Variants in KPNA6 observed in about 807,000 individuals in gnomAD.
The protein encoded by KPNA6 is karyopherin subunit alpha 6.
Under a neutral mutation model 72.0 loss-of-function variants are expected in KPNA6, and 9 were observed. The observed-to-expected ratio is 0.13, with a 90% CI of 0.08 to 0.22. The LOEUF is 0.22. KPNA6 is among the 10% of genes least tolerant of loss of function. The pLI is 1.00. For missense variants in KPNA6, 374 were observed against 655.7 expected, an observed-to-expected ratio of 0.57 and a Z score of 4.69; for synonymous variants, 219 against 242.1, an observed-to-expected ratio of 0.90 and a Z score of 0.89.
rs1000821085 is a variant in KPNA6 at position 32,169,149 on chromosome 1, C to CTTGAGACCAGGAAT, written c.1245-722_1245-709dup. On this transcript the variant is annotated intron_variant, in intron 12 of 13. Coordinates refer to ENST00000373625, the MANE Select transcript of KPNA6 (RefSeq NM_012316.5). The stretch of plus-strand genomic sequence containing the variant: ...TGGGGAGGTCAAGGTGGGAGGATCG[C>CTTGAGACCAGGAAT]TTGAGACCAGGAATTTGAGACCAGC... Among the ~76,000 whole-genome samples the CTTGAGACCAGGAAT allele has an allele frequency of 1.6e-4, 24 of 152,150 alleles. No individual in the cohort carries two copies. In the East Asian group the frequency reaches 4.3e-3, roughly 27 times the overall value.
At chr1:32,155,702 T>C (rs1459922925) in intron 2 of KPNA6, among the ~76,000 whole-genome samples, 1 of 147,564 alleles carries the variant, frequency 6.8e-6, no homozygotes, top group Non-Finnish European at 1.5e-5. Flanking sequence ...ACCTGATTAT[T>C]ATTATTTATT....
At chr1:32,151,374 G>A (rs546601720) in intron 1 of KPNA6, among the ~76,000 whole-genome samples, 122 of 152,276 alleles carry the variant, frequency 8.0e-4, no homozygotes, top group African/African-American at 2.9e-3. Flanking sequence ...CGAGCTCTGG[G>A]AACTGCTGAG....
At chr1:32,162,546 A>G in intron 9 of KPNA6, 22 bp downstream of exon 9, 2 of 1,612,948 alleles carry the variant, frequency 1.2e-6, no homozygotes, top group Non-Finnish European at 1.7e-6. Flanking sequence ...TAGAAGGGGT[A>G]CAGGTTCTGG....
chr1:32,147,503 T>G (rs142576724), intron 1 of KPNA6, among the ~76,000 whole-genome samples: 16 of 151,966 alleles, frequency 1.1e-4, no homozygotes, highest in African/African-American at 3.9e-4. Context: ...TTGCTCTGTT[T>G]CCCAGGCTGG....
In KPNA6 at chr1:32,167,206, A is replaced by C; in HGVS notation, c.1154A>C (p.Glu385Ala). The C allele has an allele frequency of 1.2e-6, 2 of 1,613,832 alleles. No homozygotes were observed. The highest frequency in any genetic ancestry group is 1.7e-5 in the Admixed American group (1 of 60,000). Residue 385 changes from glutamate to alanine, a missense_variant, in exon 12 of 14, where the codon GAA becomes GCA. Glu to Ala is a moderately radical substitution (Grantham distance 107). Transcript: ENST00000373625. ...IDANIFPVLI[E>A]ILQKAEFRTR... ...GCAAATATCTTCCCTGTGTTGATCG[A>C]AATCCTTCAGAAAGCAGAGTTTCGT...
intron 1 of KPNA6, among the ~76,000 whole-genome samples, chr1:32,141,638 C>A (rs886499625): frequency 1.3e-5 from 2 of 151,774 alleles, no homozygotes; most frequent in Non-Finnish European, 2.9e-5. Flanking sequence ...CTCAGATGAT[C>A]CACCCGCCTC....
intron 1 of KPNA6, among the ~76,000 whole-genome samples, chr1:32,135,660 G>T (rs1299959155): frequency 6.7e-6 from 1 of 150,016 alleles, no homozygotes; most frequent in Non-Finnish European, 1.5e-5. Flanking sequence ...TAGAGGCAGG[G>T]TCTAATTATT....
At chr1:32,124,164 G>C (rs142962236) in intron 1 of KPNA6, among the ~76,000 whole-genome samples, 7 of 152,062 alleles carry the variant, frequency 4.6e-5, no homozygotes, top group Non-Finnish European at 1.0e-4. Context: ...CTTGAGCCTA[G>C]GAGTTTGAGA....
At chr1:32,154,990 A>C (rs1214124372) in intron 2 of KPNA6, among the ~76,000 whole-genome samples, 2 of 151,882 alleles carry the variant, frequency 1.3e-5, no homozygotes, top group African/African-American at 4.8e-5. Flanking sequence ...ATGCGCCTGC[A>C]ATCTCAGCTA....
In KPNA6 at chr1:32,162,061, TACTAG is replaced by T. The variant is rs1642246953; in HGVS notation, c.747+18_747+22del. On this transcript the variant is annotated intron_variant, in intron 8 of 13. Coordinates refer to ENST00000373625, the MANE Select transcript of KPNA6 (RefSeq NM_012316.5). The stretch of plus-strand genomic sequence containing the variant: ...AGTTTGCAAAGGTGAGAGAGCTACT[TACTAG>T]ACCCTGAGTGACATCAGGTTCCTTC... 1.9e-6 allele frequency: 3 copies of T among 1,594,564 alleles called. No homozygotes were observed. The highest frequency in any genetic ancestry group is 3.3e-5 in the Admixed American group (2 of 59,758).
chr1:32,140,844 AG>A (rs1212868821), intron 1 of KPNA6, among the ~76,000 whole-genome samples: 2 of 152,260 alleles, frequency 1.3e-5, no homozygotes, highest in African/African-American at 4.8e-5. Context: ...ACTAATAGGT[AG>A]ACCAGTAAGA....
At chr1:32,141,331 G>GT (rs1641831804) in intron 1 of KPNA6, among the ~76,000 whole-genome samples, 1 of 108,478 alleles carries the variant, frequency 9.2e-6, no homozygotes, top group Non-Finnish European at 1.9e-5. Flanking sequence ...GTGAGCCTCA[G>GT]TTTTTTCATT....
intron 12 of KPNA6, among the ~76,000 whole-genome samples, chr1:32,167,853 C>CAAAAAAAAAAAAA (rs376077938): frequency 1.2e-5 from 1 of 80,046 alleles, no homozygotes. Context: ...GAGTCTGTCA[C>CAAAAAAAAAAAAA]AAAAAAAAAA....
chr1:32,154,271 G>A (rs1642094483), intron 1 of KPNA6, among the ~76,000 whole-genome samples: 1 of 152,182 alleles, frequency 6.6e-6, no homozygotes, highest in Non-Finnish European at 1.5e-5. Flanking sequence ...AAAAGTTACA[G>A]GAGCTTGTCC....
chr1:32,118,998 A>G (rs1297235133), intron 1 of KPNA6, among the ~76,000 whole-genome samples: 186 of 49,406 alleles, frequency 3.8e-3, no homozygotes, highest in African/African-American at 0.012. Context: ...GTGTGTATAC[A>G]TATATATATA....
chr1:32,162,955 T>C (rs1281372842), intron 9 of KPNA6, among the ~76,000 whole-genome samples: 2 of 150,004 alleles, frequency 1.3e-5, no homozygotes, highest in South Asian at 2.1e-4. Context: ...ATACAAAAAA[T>C]TAGCCGGGCG....
rs1466015830 is a variant in KPNA6 at position 32,175,968 on chromosome 1, T to C, written c.*5074T>C. On this transcript the variant is annotated 3_prime_UTR_variant, in exon 14 of 14. Transcript: ENST00000373625. ...AAAAATAAAAAAAATAAGCCAGGTG[T>C]GGTGGTGGGCACCTGTGATCTCAGC... The C allele has an allele frequency of 2.6e-5, 4 of 151,470 alleles. No individual in the cohort carries two copies. The highest frequency in any genetic ancestry group is 5.9e-5 in the Non-Finnish European group (4 of 67,920). 9.4% of individuals were successfully genotyped at this position (151,470 alleles called of 1,614,324 possible).
rs760640550 is a variant in KPNA6, at chr1:32,167,176, T to C, written c.1124T>C (p.Ile375Thr). The change falls in exon 12 of 14, where the codon ATA becomes ACA. Residue 375 changes from isoleucine (I) to threonine (T), a missense_variant. Physicochemically the swap from Ile to Thr is moderately conservative, Grantham distance 89. Transcript: ENST00000373625. ...AGNRAQIQAVIDANIFPVLIE... is the reference protein window; with the variant it reads ...AGNRAQIQAVTDANIFPVLIE... ...CTCTCAATTCTCTCTCAGGCTGTTA[T>C]AGATGCAAATATCTTCCCTGTGTTG... 16 of 1,613,912 alleles carry C rather than the reference T, an allele frequency of 9.9e-6. No individual in the cohort carries two copies. Among genetic ancestry groups the C allele is most frequent in the South Asian group, 6.6e-5 (6 of 91,076 alleles).
At chr1:32,162,267 G>A in intron 8 of KPNA6, 94 bp from the exon 9 acceptor site, 1 of 1,192,220 alleles carries the variant, frequency 8.4e-7, no homozygotes, top group South Asian at 1.5e-5. Context: ...TTGTGTGTGT[G>A]TATTGTGGGG....
Sources: allele counts gnomAD v4.1 joint callset (sites outside exome capture counted in the v4.1 genomes callset), GRCh38; gene constraint gnomAD v4.1.1; transcripts MANE v1.5; gene names NCBI Gene and HGNC (gene_info 2026-07-23, HGNC 2026-07-21).